SHB: variants seen among roughly 807,000 people sequenced by gnomAD.
SHB encodes the protein SH2 domain-containing adapter protein B.
Under a neutral mutation model 52.3 loss-of-function variants are expected in SHB, and 20 were observed. That is an observed-to-expected ratio of 0.38 (90% CI 0.27 to 0.56). The LOEUF (loss-of-function observed/expected upper bound fraction) is 0.56. Among genes scored for constraint, SHB ranks in the 20% least tolerant of loss-of-function variants. The probability of loss-of-function intolerance (pLI) is 0.71; values close to 1 mark genes in which losing one functional copy is unlikely to be tolerated. For missense variants in SHB, 825 were observed against 723.3 expected, an observed-to-expected ratio of 1.14 and a Z score of -1.61; for synonymous variants, 397 against 316.5, an observed-to-expected ratio of 1.25 and a Z score of -2.70.
intron 5 of SHB, among the ~76,000 whole-genome samples, chr9:37,946,372 G>T (rs373310322): frequency 6.6e-6 from 1 of 152,240 alleles, no homozygotes; most frequent in African/African-American, 2.4e-5. Flanking sequence ...TGACATCTGG[G>T]CCTGCTTTTA....
At chr9:38,037,892 G>A (rs1008534710) in intron 1 of SHB, among the ~76,000 whole-genome samples, 5 of 152,192 alleles carry the variant, frequency 3.3e-5, no homozygotes, top group Non-Finnish European at 7.3e-5. Flanking sequence ...GACACAAGGT[G>A]GCTGGGCTAG....
chr9:37,975,983 C>T (rs1321281086), intron 2 of SHB, among the ~76,000 whole-genome samples: 2 of 152,158 alleles, frequency 1.3e-5, no homozygotes, highest in Non-Finnish European at 2.9e-5. Context: ...TGCTTGCTGC[C>T]TACTTTATTT....
chr9:37,993,235 G>A (rs1342130680), intron 2 of SHB, among the ~76,000 whole-genome samples: 2 of 152,142 alleles, frequency 1.3e-5, no homozygotes. Context: ...CAGGGAGAGT[G>A]CGATGGGAAC....
chr9:38,067,827 C>T, intron 1 of SHB, 102 bp downstream of exon 1: 1 of 1,266,998 alleles, frequency 7.9e-7, no homozygotes, highest in Non-Finnish European at 1.0e-6. Context: ...GGTCCTAGGC[C>T]GAAGCTGAAG....
chr9:37,945,416 C>A (rs1178099282), intron 5 of SHB, among the ~76,000 whole-genome samples: 2 of 152,166 alleles, frequency 1.3e-5, no homozygotes, highest in Non-Finnish European at 2.9e-5. Context: ...GACTGGCCAT[C>A]GGGAGCTGGG....
At chr9:38,056,894 A>G (rs1821828539) in intron 1 of SHB, among the ~76,000 whole-genome samples, 1 of 152,254 alleles carries the variant, frequency 6.6e-6, no homozygotes, top group African/African-American at 2.4e-5. Flanking sequence ...TGGAAAAGCA[A>G]CACAAATGGT....
intron 2 of SHB, 50 bp from the exon 3 acceptor site, chr9:37,974,887 T>C (rs758089762): frequency 3.5e-6 from 5 of 1,443,820 alleles, no homozygotes; most frequent in Non-Finnish European, 2.9e-6. Flanking sequence ...CTGCACTTCC[T>C]CACCTGCATT....
At chr9:37,979,633 C>T (rs77488838) in intron 2 of SHB, among the ~76,000 whole-genome samples, 4 of 149,474 alleles carry the variant, frequency 2.7e-5, no homozygotes, top group African/African-American at 7.4e-5. Context: ...AAAAAAAAAA[C>T]AAAAAAACAA....
At chr9:37,932,273 C>CAAAAAAAAAAAAAAAAAAAAAAAAAAA (rs56281324) in intron 5 of SHB, among the ~76,000 whole-genome samples, 3 of 56,740 alleles carry the variant, frequency 5.3e-5, no homozygotes, top group Non-Finnish European at 6.6e-5. Context: ...AACTCCATCT[C>CAAAAAAAAAAAAAAAAAAAAAAAAAAA]AAAAAAAAAA....
chr9:37,983,239 T>C (rs1483400664), intron 2 of SHB, among the ~76,000 whole-genome samples: 1 of 152,146 alleles, frequency 6.6e-6, no homozygotes, highest in Non-Finnish European at 1.5e-5. Context: ...TAAAAGAATT[T>C]AGACAGGAGG....
At chr9:38,049,077 G>A (rs1821700162) in intron 1 of SHB, among the ~76,000 whole-genome samples, 1 of 152,186 alleles carries the variant, frequency 6.6e-6, no homozygotes, top group Admixed American at 6.5e-5. Context: ...CTGGAGTGCA[G>A]TAGCGCCATC....
intron 2 of SHB, 98 bp downstream of exon 2, chr9:38,015,913 C>A: frequency 8.3e-7 from 1 of 1,203,006 alleles, no homozygotes; most frequent in South Asian, 1.4e-5. Context: ...CACACCATGC[C>A]CCCAGTGAGG....
chr9:38,063,995 TAAAA>T (rs1317181430), intron 1 of SHB, among the ~76,000 whole-genome samples: 1 of 151,932 alleles, frequency 6.6e-6, no homozygotes, highest in African/African-American at 2.4e-5. Flanking sequence ...TTAATTATAA[TAAAA>T]GAAACAAGAC....
chr9:37,936,327 CCACAGACAGTGGTTAATCACAATTTGG>C (rs1832371238), intron 5 of SHB, among the ~76,000 whole-genome samples: 1 of 152,194 alleles, frequency 6.6e-6, no homozygotes, highest in African/African-American at 2.4e-5. Context: ...CATTTCATCA[CCACAGACAGTGGTTAATCACAATTTGG>C]CATAGTGCCT....
intron 1 of SHB, among the ~76,000 whole-genome samples, chr9:38,067,703 G>C (rs73439949): frequency 6.6e-6 from 1 of 152,182 alleles, no homozygotes. Flanking sequence ...CTCTCGCTCA[G>C]AGGGGACGTT....
intron 1 of SHB, among the ~76,000 whole-genome samples, chr9:38,063,795 G>GTT (rs5897715): frequency 2.5e-3 from 325 of 129,866 alleles, no homozygotes; most frequent in African/African-American, 7.9e-3. Context: ...TTTGCTGGAT[G>GTT]TTTTTTTTTT....
chr9:37,971,173 C>T (rs1027683242), intron 3 of SHB, among the ~76,000 whole-genome samples: 3 of 152,296 alleles, frequency 2.0e-5, no homozygotes, highest in East Asian at 1.9e-4. Flanking sequence ...ACCACACCAA[C>T]GACTCGCTCA....
chr9:38,014,758 G>A (rs151305669), intron 2 of SHB, among the ~76,000 whole-genome samples: 1,865 of 152,224 alleles, frequency 0.012, 35 homozygotes, highest in Admixed American at 0.045. Flanking sequence ...CCATGAACAG[G>A]AGGAGCAGGA....
chr9:38,003,865 G>C (rs1054448984), intron 2 of SHB, among the ~76,000 whole-genome samples: 1 of 152,192 alleles, frequency 6.6e-6, no homozygotes, highest in African/African-American at 2.4e-5. Flanking sequence ...TCAAGGAAGG[G>C]AGGATGCTGT....
Sources: allele counts gnomAD v4.1 joint callset (sites outside exome capture counted in the v4.1 genomes callset), GRCh38; gene constraint gnomAD v4.1.1; transcripts MANE v1.5; gene names NCBI Gene and HGNC (gene_info 2026-07-23, HGNC 2026-07-21).